Variants in MAP3K19 observed in about 807,000 individuals in gnomAD.
The protein encoded by MAP3K19 is SPS1/STE20-related protein kinase YSK4.
MAP3K19 carries 91 observed loss-of-function variants against 114.4 expected under a neutral mutation model. The observed-to-expected ratio is 0.80, with a 90% CI of 0.67 to 0.95. The LOEUF (loss-of-function observed/expected upper bound fraction) is 0.95, where lower values mean the gene tolerates loss of function less well. Ranked by LOEUF, MAP3K19 falls within the 40% of genes least tolerant of loss-of-function variation. MAP3K19 has a pLI of 0.00. For synonymous variants in MAP3K19, 518 were observed against 530.5 expected (o/e 0.98, Z 0.32); for missense variants, 1,471 against 1,573.2 (o/e 0.94, Z 1.10).
chr2:135,027,266 A>T (rs1205361384), intron 3 of MAP3K19, among the ~76,000 whole-genome samples: 1 of 151,598 alleles, frequency 6.6e-6, no homozygotes, highest in Non-Finnish European at 1.5e-5. Flanking sequence ...AGGAAGAAAG[A>T]AAGAGAGAGA....
chr2:134,988,722 C>T (rs1219068910), intron 9 of MAP3K19, among the ~76,000 whole-genome samples: 1 of 151,994 alleles, frequency 6.6e-6, no homozygotes, highest in Non-Finnish European at 1.5e-5. Flanking sequence ...AACCTCATTC[C>T]CAATATTTTT....
chr2:135,005,812 C>A (rs1171570166), intron 5 of MAP3K19, among the ~76,000 whole-genome samples: 1 of 152,132 alleles, frequency 6.6e-6, no homozygotes, highest in African/African-American at 2.4e-5. Flanking sequence ...CATCTCAGTG[C>A]CCAGGCTGCT....
intron 8 of MAP3K19, among the ~76,000 whole-genome samples, chr2:134,996,275 T>C (rs933046689): frequency 1.4e-4 from 19 of 136,436 alleles, no homozygotes; most frequent in Admixed American, 2.1e-4. Context: ...TTATTTCTTT[T>C]TTTTTTTTTT....
chr2:135,010,298 T>C (rs1356660872), intron 5 of MAP3K19, among the ~76,000 whole-genome samples: 2 of 152,222 alleles, frequency 1.3e-5, no homozygotes, highest in African/African-American at 4.8e-5. Context: ...TAAGATCTAC[T>C]TTGAAGGTGA....
At chr2:135,029,035 A>G (rs1229855120) in intron 3 of MAP3K19, among the ~76,000 whole-genome samples, 1 of 152,232 alleles carries the variant, frequency 6.6e-6, no homozygotes, top group Admixed American at 6.5e-5. Flanking sequence ...CCAGTTTCTT[A>G]AAACTTGGTT....
intron 5 of MAP3K19, among the ~76,000 whole-genome samples, chr2:135,021,461 GAC>G (rs943225037): frequency 7.0e-6 from 1 of 143,224 alleles, no homozygotes; most frequent in South Asian, 2.4e-4. Flanking sequence ...AACTGACTAA[GAC>G]ACACACACAT....
chr2:135,011,899 A>T (rs1408725052), intron 5 of MAP3K19, among the ~76,000 whole-genome samples: 3 of 152,340 alleles, frequency 2.0e-5, no homozygotes, highest in Admixed American at 6.5e-5. Flanking sequence ...CCCCATCTCT[A>T]CAAAAATGTT....
Position 134,981,133 on chromosome 2 carries a change from A to G in MAP3K19, c.3608T>C (p.Ile1203Thr). Residue 1203 changes from isoleucine (I) to threonine (T), a missense_variant, in exon 12 of 13, where the codon ATT (isoleucine) becomes ACT (threonine). Ile to Thr is a moderately conservative substitution (Grantham distance 89, BLOSUM62 -1). Coordinates refer to ENST00000392915, the MANE Select transcript of MAP3K19 (RefSeq NM_025052.5). ...CAAACGCCTGGCACAGCCAAAGTCA[A>G]TCAGCTTTATTATTCCAGTTGGCAT... The part of the protein sequence containing the change: ...MLMPTGIIKL[I>T]DFGCARRLAW... 1.2e-6 allele frequency: 2 copies of G among 1,614,182 alleles called. No homozygotes were observed. The highest frequency in any genetic ancestry group is 1.7e-6 in the Non-Finnish European group (2 of 1,180,034).
intron 5 of MAP3K19, among the ~76,000 whole-genome samples, chr2:135,012,608 A>T (rs1687306450): frequency 6.6e-6 from 1 of 152,118 alleles, no homozygotes; most frequent in South Asian, 2.1e-4. Flanking sequence ...TACCGAGAAA[A>T]ACAGTCACCG....
At chr2:134,972,744 A>G (rs1683967098) in intron 12 of MAP3K19, among the ~76,000 whole-genome samples, 1 of 152,054 alleles carries the variant, frequency 6.6e-6, no homozygotes, top group Admixed American at 6.6e-5. Context: ...GCCAATCTTC[A>G]TACATTTTTG....
chr2:135,030,091 C>G (rs1243721594), intron 3 of MAP3K19, among the ~76,000 whole-genome samples: 1 of 152,178 alleles, frequency 6.6e-6, no homozygotes, highest in Non-Finnish European at 1.5e-5. Flanking sequence ...TAGCACCCAG[C>G]TTGAGGAAGG....
At chr2:135,013,008 A>G (rs777642194) in intron 5 of MAP3K19, among the ~76,000 whole-genome samples, 7 of 152,060 alleles carry the variant, frequency 4.6e-5, no homozygotes, top group Non-Finnish European at 8.8e-5. Context: ...GGACATTTTA[A>G]GTTCACAGAG....
At chr2:135,040,967 TC>T (rs1688634260) in intron 1 of MAP3K19, among the ~76,000 whole-genome samples, 1 of 152,106 alleles carries the variant, frequency 6.6e-6, no homozygotes, top group Admixed American at 6.5e-5. Flanking sequence ...GAAATGATTG[TC>T]CCCTCTTCAG....
At chr2:135,041,912 C>T (rs1232520359) in intron 1 of MAP3K19, among the ~76,000 whole-genome samples, 1 of 152,214 alleles carries the variant, frequency 6.6e-6, no homozygotes, top group Non-Finnish European at 1.5e-5. Flanking sequence ...GGCCAGACTA[C>T]GTGAACATGT....
intron 5 of MAP3K19, among the ~76,000 whole-genome samples, chr2:135,017,435 G>T (rs114009941): frequency 2.4e-4 from 37 of 152,290 alleles, no homozygotes; most frequent in African/African-American, 8.9e-4. Context: ...TGCAGGTTGA[G>T]ACCTGATTCC....
chr2:135,035,102 G>A (rs555980895), intron 2 of MAP3K19, among the ~76,000 whole-genome samples: 69 of 151,570 alleles, frequency 4.6e-4, no homozygotes, highest in African/African-American at 1.6e-3. Flanking sequence ...TCCCAAATAA[G>A]AAAAGTTACA....
At chr2:134,965,147 A>C (rs1232616433) in intron 12 of MAP3K19, among the ~76,000 whole-genome samples, 1 of 152,236 alleles carries the variant, frequency 6.6e-6, no homozygotes, top group Non-Finnish European at 1.5e-5. Flanking sequence ...TGGGAGAATT[A>C]AATAATATAT....
In MAP3K19 at chr2:134,999,131, G is replaced by T; in HGVS notation, c.315-134C>A. ...AATGGTGCTGCTGAAAGGAAAGGCT[G>T]AATCCTGAGAGGGTAAGACATCTCC... On this transcript the variant is annotated intron_variant, in intron 7 of 12. Transcript: ENST00000392915. The surrounding 1 kb of genome is among the most constrained non-coding windows in gnomAD (Gnocchi z 4.1). 9.6e-7 allele frequency: 1 copy of T among 1,037,560 alleles called. No individual in the cohort carries two copies. The highest frequency in any genetic ancestry group is 1.4e-6 in the Non-Finnish European group (1 of 713,654). 64.3% of individuals were successfully genotyped at this position (1,037,560 alleles called of 1,614,324 possible). A position where few individuals can be genotyped will look rare whatever the true frequency, so the allele number is the denominator to read the frequency against.
At chr2:134,998,026 T>C (rs896237575) in intron 8 of MAP3K19, among the ~76,000 whole-genome samples, 2 of 152,090 alleles carry the variant, frequency 1.3e-5, no homozygotes, top group African/African-American at 4.8e-5. Context: ...GCTGGTTGGT[T>C]GAGGACAGTG....
Sources: gnomAD v4.1 joint callset for allele counts (sites outside exome capture counted in the v4.1 genomes callset) on GRCh38, gnomAD v4.1.1 for gene constraint, Gnocchi (gnomAD v3.1) non-coding constraint, MANE v1.5 for transcripts, NCBI Gene and HGNC (gene_info 2026-07-23, HGNC 2026-07-21) for gene names.